ARL3: variants seen among roughly 807,000 people sequenced by gnomAD.
ARL3 encodes the protein ADP-ribosylation factor-like protein 3.
In ARL3, 9 loss-of-function variants were observed where a neutral mutation model predicts 26.0. That is an observed-to-expected ratio of 0.35 (90% CI 0.21 to 0.60). The LOEUF (loss-of-function observed/expected upper bound fraction) is 0.60, where lower values mean the gene tolerates loss of function less well. Ranked by LOEUF, ARL3 falls within the 20% of genes least tolerant of loss-of-function variation. The probability of loss-of-function intolerance (pLI) is 0.78; values close to 1 mark genes in which losing one functional copy is unlikely to be tolerated. For synonymous variants in ARL3, 71 were observed against 78.4 expected, an observed-to-expected ratio of 0.91 and a Z score of 0.50; for missense variants, 158 against 215.7, an observed-to-expected ratio of 0.73 and a Z score of 1.67.
chr10:102,702,672 C>T (rs1363868782), intron 2 of ARL3, among the ~76,000 whole-genome samples: 5 of 152,218 alleles, frequency 3.3e-5, no homozygotes, highest in African/African-American at 4.8e-5. Context: ...ACCCCACAAG[C>T]GCATGCACAC....
At position 102,695,751 on chromosome 10, in the gene ARL3, A is replaced by C. The variant is rs533375371; in HGVS notation, c.264+3622T>G. On this transcript the variant is annotated intron_variant, in intron 3 of 5. Coordinates refer to ENST00000260746, the MANE Select transcript of ARL3 (RefSeq NM_004311.4). Reference sequence around the variant, plus strand: ...AAGCTGGTCTCGAACTCCTGACCTTAAGTGATCCACTTGCCTCGGCCTCCC... The same window carrying C: ...AAGCTGGTCTCGAACTCCTGACCTTCAGTGATCCACTTGCCTCGGCCTCCC... Among the ~76,000 whole-genome samples, 178 of 152,198 alleles carry C rather than the reference A, an allele frequency of 1.2e-3. 1 individual carries two copies. The highest frequency in any genetic ancestry group is 4.1e-3 in the African/African-American group (171 of 41,538).
At chr10:102,703,118 C>CTTTTTTTTTTTT (rs1023724116) in intron 2 of ARL3, among the ~76,000 whole-genome samples, 4 of 101,164 alleles carry the variant, frequency 4.0e-5, no homozygotes, top group Non-Finnish European at 7.6e-5. Flanking sequence ...CAGGTCTTGT[C>CTTTTTTTTTTTT]TTTTTTTTTT....
chr10:102,690,295 CTTTTTTTT>C lies in ARL3; in HGVS notation c.265-360_265-353del, dbSNP rs34924011. ...CTACAATATAGATTTCACTATTTTCCTTTTTTTTTTTTTTTTTTTGAGACAGAGTCTTG... is the reference window on the plus strand; with the variant it reads ...CTACAATATAGATTTCACTATTTTCCTTTTTTTTTTTGAGACAGAGTCTTG... On this transcript the variant is annotated intron_variant, in intron 3 of 5. Coordinates refer to ENST00000260746, the MANE Select transcript of ARL3 (RefSeq NM_004311.4). 3.5e-3 allele frequency among the ~76,000 whole-genome samples: 430 copies of C among 123,708 alleles called. 3 individuals are homozygous for C. Among genetic ancestry groups the C allele is most frequent in the African/African-American group, 0.012 (419 of 34,434 alleles). The allele number at this position is 123,708 out of a possible 152,430, so 81.2% of individuals were successfully genotyped here. A position where few individuals can be genotyped will look rare whatever the true frequency, so the allele number is the denominator to read the frequency against.
At chr10:102,686,049 T>C (rs1401369778) in intron 4 of ARL3, 48 bp from the exon 5 acceptor site, 19 of 1,450,276 alleles carry the variant, frequency 1.3e-5, no homozygotes, top group Non-Finnish European at 1.8e-5. Context: ...TCTATACATC[T>C]ATGATATTTA....
chr10:102,703,548 A>G (rs191533587), intron 2 of ARL3, among the ~76,000 whole-genome samples: 208 of 142,652 alleles, frequency 1.5e-3, no homozygotes, highest in African/African-American at 4.3e-3. Context: ...GGTTCACGCC[A>G]TTCTCCTGCC....
At chr10:102,681,186 G>A (rs552955813) in intron 5 of ARL3, among the ~76,000 whole-genome samples, 2 of 151,912 alleles carry the variant, frequency 1.3e-5, no homozygotes, top group Admixed American at 6.6e-5. Context: ...TCAGGAGTTC[G>A]AGACCAGCCT....
chr10:102,695,151 T>C lies in ARL3; in HGVS notation c.264+4222A>G, dbSNP rs569691350. ...TTCCATATAAACATTAGAATCAGTT[T>C]GTCAATATCCCCAAAGTAACTTGCT... On this transcript the variant is annotated intron_variant, in intron 3 of 5. Coordinates refer to ENST00000260746, the MANE Select transcript of ARL3 (RefSeq NM_004311.4). Among the ~76,000 whole-genome samples, 7 of 152,384 alleles carry C rather than the reference T, an allele frequency of 4.6e-5. No homozygotes were observed. The South Asian group carries it at 1.4e-3, about 32-fold the overall frequency.
chr10:102,686,146 A>G (rs1173273253), intron 4 of ARL3, 145 bp from the exon 5 acceptor site: 1 of 657,872 alleles, frequency 1.5e-6, no homozygotes, highest in Non-Finnish European at 2.5e-6. Context: ...ATCTCGGCTC[A>G]CTGCAACCTT....
At chr10:102,708,055 C>T (rs531916969) in intron 1 of ARL3, among the ~76,000 whole-genome samples, 140 of 152,044 alleles carry the variant, frequency 9.2e-4, no homozygotes, top group Middle Eastern at 6.8e-3. Context: ...CTGGGACTAC[C>T]GGCTCACACC....
intron 2 of ARL3, among the ~76,000 whole-genome samples, chr10:102,702,141 T>C (rs1397469622): frequency 1.3e-5 from 2 of 152,002 alleles, no homozygotes; most frequent in African/African-American, 2.4e-5. Flanking sequence ...CAGTGAGCTA[T>C]GGATGGTGCC....
intron 2 of ARL3, among the ~76,000 whole-genome samples, chr10:102,701,514 G>GA (rs2064279320): frequency 6.6e-6 from 1 of 152,116 alleles, no homozygotes; most frequent in Admixed American, 6.6e-5. Flanking sequence ...TTAGAAGTTC[G>GA]AGAATTCTAA....
chr10:102,713,644 G>C (rs929916224), intron 1 of ARL3, among the ~76,000 whole-genome samples: 2 of 152,122 alleles, frequency 1.3e-5, no homozygotes, highest in African/African-American at 4.8e-5. Context: ...TAAATAATTC[G>C]GGACTGAGGA....
rs559825140 is a variant in ARL3 at position 102,714,382 on chromosome 10, A to G, written c.-107T>C. On this transcript the variant is annotated 5_prime_UTR_variant, in exon 1 of 6. Coordinates refer to ENST00000260746, the MANE Select transcript of ARL3 (RefSeq NM_004311.4). ...ACGTCCCTCGCACGCACAGCTGAGG[A>G]GCTGAGCAGCAATACGGGGCGGGGT... 8 of 1,165,872 alleles carry G rather than the reference A, an allele frequency of 6.9e-6. No homozygotes were observed. In the East Asian group the frequency reaches 1.6e-4, roughly 23 times the overall value. 72.2% of individuals were successfully genotyped at this position (1,165,872 alleles called of 1,614,324 possible).
At chr10:102,709,522 C>T (rs1424295418) in intron 1 of ARL3, among the ~76,000 whole-genome samples, 1 of 150,086 alleles carries the variant, frequency 6.7e-6, no homozygotes, top group Non-Finnish European at 1.5e-5. Flanking sequence ...TGGTGTGCAC[C>T]TGCGGTTCCA....
At chr10:102,680,488 A>G (rs1373526442) in intron 5 of ARL3, among the ~76,000 whole-genome samples, 3 of 152,162 alleles carry the variant, frequency 2.0e-5, no homozygotes, top group Non-Finnish European at 4.4e-5. Flanking sequence ...AAAGTTTCCT[A>G]TGTCACAATA....
At chr10:102,710,715 T>C (rs2064334040) in intron 1 of ARL3, among the ~76,000 whole-genome samples, 1 of 152,198 alleles carries the variant, frequency 6.6e-6, no homozygotes, top group Non-Finnish European at 1.5e-5. Context: ...AAAAGTATAT[T>C]GTGTGTTACC....
chr10:102,678,120 TGCACTTGG>T (rs1236602811), intron 5 of ARL3, among the ~76,000 whole-genome samples: 1 of 152,166 alleles, frequency 6.6e-6, no homozygotes, highest in Non-Finnish European at 1.5e-5. Context: ...TTGCTGTCAG[TGCACTTGG>T]GCAGCAGAAC....
At chr10:102,692,918 G>T (rs1332721892) in intron 3 of ARL3, among the ~76,000 whole-genome samples, 1 of 152,050 alleles carries the variant, frequency 6.6e-6, no homozygotes, top group Non-Finnish European at 1.5e-5. Context: ...GGATGGTCTC[G>T]ATCTCCTGAC....
At position 102,680,485 on chromosome 10, in the gene ARL3, C is replaced by T. The variant is rs552817945; in HGVS notation, c.502-3544G>A. 2.6e-5 allele frequency among the ~76,000 whole-genome samples: 4 copies of T among 152,236 alleles called. No individual in the cohort carries two copies. In the South Asian group the frequency reaches 8.3e-4, roughly 32 times the overall value. On this transcript the variant is annotated intron_variant, in intron 5 of 5. Transcript: ENST00000260746. The stretch of plus-strand genomic sequence containing the variant: ...GCCTCCTAGAGAGGAAATAAAGTTT[C>T]CTATGTCACAATATTATTCTCCCCT...
Sources: gnomAD v4.1 joint callset for allele counts (sites outside exome capture counted in the v4.1 genomes callset) on GRCh38, gnomAD v4.1.1 for gene constraint, MANE v1.5 for transcripts, NCBI Gene and HGNC (gene_info 2026-07-23, HGNC 2026-07-21) for gene names.